The following KHDRBS2 variants were observed in gnomAD, a reference collection of about 807,000 sequenced individuals.
KHDRBS2 encodes KH RNA binding domain containing, signal transduction associated 2.
KHDRBS2 carries 26 observed loss-of-function variants against 44.3 expected under a neutral mutation model. The ratio of observed to expected loss-of-function variants is 0.59; its 90% confidence interval spans 0.43 to 0.81. The LOEUF is 0.81. Ranked by LOEUF, KHDRBS2 falls within the 40% of genes least tolerant of loss-of-function variation. The pLI, the probability that KHDRBS2 is intolerant of heterozygous loss-of-function variation, is 0.00. For synonymous variants in KHDRBS2, 194 were observed against 151.1 expected (o/e 1.28, Z -2.08); for missense variants, 476 against 433.1 (o/e 1.10, Z -0.88).
At chr6:62,164,858 T>C (rs558268103) in intron 2 of KHDRBS2, among the ~76,000 whole-genome samples, 2 of 151,994 alleles carry the variant, frequency 1.3e-5, no homozygotes, top group East Asian at 3.9e-4. Context: ...AACTTATCAG[T>C]CTGATAAAGA....
Position 62,023,667 on chromosome 6 carries a change from A to C in KHDRBS2, c.336+24211T>G, listed in dbSNP as rs188966761. Reference sequence around the variant, plus strand: ...TTAATTACTAATATAAAAAACAAAAACATAAAAGAAAACAAATTCATGGTT... The same window carrying C: ...TTAATTACTAATATAAAAAACAAAACCATAAAAGAAAACAAATTCATGGTT... On this transcript the variant is annotated intron_variant, in intron 3 of 8. Transcript: ENST00000281156. 1.7e-3 allele frequency among the ~76,000 whole-genome samples: 260 copies of C among 151,652 alleles called. 9 individuals carry two copies. In the South Asian group the frequency reaches 0.048, roughly 28 times the overall value.
At position 61,831,050 on chromosome 6, in the gene KHDRBS2, TTC is replaced by T. The variant is rs1436662199; in HGVS notation, c.810+63583_810+63584del. 2.3e-4 allele frequency among the ~76,000 whole-genome samples: 35 copies of T among 152,320 alleles called. No homozygotes were observed. The East Asian group carries it at 2.5e-3, about 11-fold the overall frequency. On this transcript the variant is annotated intron_variant, in intron 6 of 8. Transcript: ENST00000281156. ...GAAACTGTAATTAGATCAGATGTAC[TTC>T]TCTTAACATACTTAAAAATGCACTG...
At chr6:61,694,177 C>G (rs115675961) in intron 8 of KHDRBS2, among the ~76,000 whole-genome samples, 102 of 152,178 alleles carry the variant, frequency 6.7e-4, no homozygotes, top group Non-Finnish European at 1.2e-3. Flanking sequence ...TAATAATATG[C>G]CTTCTCATCA....
intron 2 of KHDRBS2, among the ~76,000 whole-genome samples, chr6:62,064,225 A>T (rs1584460447): frequency 7.0e-6 from 1 of 141,954 alleles, no homozygotes; most frequent in Admixed American, 7.4e-5. Context: ...TTACAGATTC[A>T]ATGCCATCCC....
intron 4 of KHDRBS2, among the ~76,000 whole-genome samples, chr6:61,963,469 G>A (rs1769213733): frequency 6.6e-6 from 1 of 151,970 alleles, no homozygotes; most frequent in Admixed American, 6.6e-5. Context: ...TGCAAACATT[G>A]GATTGAAAAA....
chr6:61,584,864 A>C, the KHDRBS2 span, among the ~76,000 whole-genome samples: 3 of 151,588 alleles, frequency 2.0e-5, no homozygotes, highest in Non-Finnish European at 4.4e-5. Flanking sequence ...AACAAACAAA[A>C]AAATTTTAAA....
intron 8 of KHDRBS2, among the ~76,000 whole-genome samples, chr6:61,683,398 G>A (rs1766507780): frequency 6.6e-6 from 1 of 151,710 alleles, no homozygotes; most frequent in African/African-American, 2.4e-5. Context: ...ATTAGAATAG[G>A]GACTGTTGCT....
chr6:61,649,196 C>T, the KHDRBS2 span, among the ~76,000 whole-genome samples: 122 of 152,130 alleles, frequency 8.0e-4, no homozygotes, highest in South Asian at 2.9e-3. Context: ...CAATGTTGCT[C>T]AGTGGCATGG....
rs1197094374 is a variant in KHDRBS2, at chr6:61,901,324, G to A, written c.531C>T (p.Tyr177=). 8 of 1,612,842 alleles carry A rather than the reference G, an allele frequency of 5.0e-6. No homozygotes were observed. Among genetic ancestry groups the A allele is most frequent in the Non-Finnish European group, 5.1e-6 (6 of 1,179,318 alleles). Residue 177 remains tyrosine, a synonymous_variant, in exon 5 of 9, where the codon TAC becomes TAT. Coordinates refer to ENST00000281156, the MANE Select transcript of KHDRBS2 (RefSeq NM_152688.4). ...GACCAGAGTCCTCTGAGCCATTTAA[G>A]TAAGATAATTCACGTAGTTGTTCCT... ...IRQEQLRELS[Y]LNGSEDSGRG... is the part of the protein sequence containing the mutation.
Position 61,955,642 on chromosome 6 carries a change from GTATGTATGTATGCATATATGTGTA to G in KHDRBS2, c.483+22400_483+22423del, listed in dbSNP as rs1562521796. Among the ~76,000 whole-genome samples, 74 of 119,956 alleles carry G rather than the reference GTATGTATGTATGCATATATGTGTA, an allele frequency of 6.2e-4. 1 individual carries two copies. Among genetic ancestry groups the G allele is most frequent in the African/African-American group, 2.3e-3 (70 of 30,480 alleles). 78.7% of individuals were successfully genotyped at this position (119,956 alleles called of 152,430 possible). ...TGTATGCATACATGTGTATATACAC[GTATGTATGTATGCATATATGTGTA>G]TATGTACACATATGTATGTATACAT... On this transcript the variant is annotated intron_variant, in intron 4 of 8. Transcript: ENST00000281156.
intron 4 of KHDRBS2, among the ~76,000 whole-genome samples, chr6:61,954,669 T>C (rs1381637866): frequency 7.5e-6 from 1 of 133,202 alleles, no homozygotes; most frequent in East Asian, 2.4e-4. Flanking sequence ...CATATGTGTA[T>C]ATACACATAC....
chr6:61,839,230 CA>C (rs1221281466), intron 6 of KHDRBS2, among the ~76,000 whole-genome samples: 2 of 152,064 alleles, frequency 1.3e-5, no homozygotes, highest in Non-Finnish European at 2.9e-5. Context: ...ACTTTTCTTA[CA>C]TAGAAAGTTG....
rs529899888 is a variant in KHDRBS2, at chr6:61,911,213, T to C, written c.484-9842A>G. Among the ~76,000 whole-genome samples, 38 of 152,320 alleles carry C rather than the reference T, an allele frequency of 2.5e-4. No individual in the cohort carries two copies. The South Asian group carries it at 3.5e-3, about 14-fold the overall frequency. ...CCTCTGGACGTGGAAAATTTATATA[T>C]TCAAGACAGGGATGCATTTAACCTG... On this transcript the variant is annotated intron_variant, in intron 4 of 8. Transcript: ENST00000281156.
chr6:61,722,732 T>A (rs1772869140), intron 7 of KHDRBS2, among the ~76,000 whole-genome samples: 1 of 151,220 alleles, frequency 6.6e-6, no homozygotes, highest in Non-Finnish European at 1.5e-5. Context: ...TTTTTTTAGA[T>A]GGAGTCTCGC....
chr6:62,242,444 T>C (rs1246376007), intron 1 of KHDRBS2, among the ~76,000 whole-genome samples: 1 of 152,102 alleles, frequency 6.6e-6, no homozygotes, highest in Non-Finnish European at 1.5e-5. Context: ...TTTAGCAGCA[T>C]CCCTGGCATC....
chr6:62,265,264 G>A (rs1325087477), intron 1 of KHDRBS2, among the ~76,000 whole-genome samples: 3 of 151,898 alleles, frequency 2.0e-5, no homozygotes, highest in Non-Finnish European at 4.4e-5. Context: ...TAGAGGGAAA[G>A]GATAACATAG....
At chr6:61,596,181 A>G in the KHDRBS2 span, among the ~76,000 whole-genome samples, 3 of 152,162 alleles carry the variant, frequency 2.0e-5, no homozygotes, top group Non-Finnish European at 4.4e-5. Context: ...AGATGTGTGC[A>G]AGGCTTCAGG....
At chr6:62,157,896 G>A (rs564156670) in intron 2 of KHDRBS2, among the ~76,000 whole-genome samples, 1 of 152,120 alleles carries the variant, frequency 6.6e-6, no homozygotes, top group South Asian at 2.1e-4. Flanking sequence ...CAATCTTGAT[G>A]CATTTTCAAA....
At position 61,758,052 on chromosome 6, in the gene KHDRBS2, A is replaced by G. The variant is rs574975830; in HGVS notation, c.811-25288T>C. On this transcript the variant is annotated intron_variant, in intron 6 of 8. Coordinates refer to ENST00000281156, the MANE Select transcript of KHDRBS2 (RefSeq NM_152688.4). ...TCTCTCTCCTGTCTAGTACTCTTAC[A>G]ATTTTTAGCTGCCTTGGTTTCCTTG... 6.0e-4 allele frequency among the ~76,000 whole-genome samples: 92 copies of G among 152,192 alleles called. No homozygotes were observed. In the South Asian group the frequency reaches 0.018, roughly 29 times the overall value.
Sources: allele counts gnomAD v4.1 joint callset (sites outside exome capture counted in the v4.1 genomes callset), GRCh38; gene constraint gnomAD v4.1.1; transcripts MANE v1.5; gene names NCBI Gene and HGNC (gene_info 2026-07-23, HGNC 2026-07-21).